Variants in SLC25A36 observed in about 807,000 individuals in gnomAD.
SLC25A36 encodes the protein epididymis secretory sperm binding protein.
SLC25A36 carries 24 observed loss-of-function variants against 35.3 expected under a neutral mutation model. The ratio of observed to expected loss-of-function variants is 0.68; its 90% CI spans 0.49 to 0.96. The LOEUF (loss-of-function observed/expected upper bound fraction) is 0.96, where lower values mean the gene tolerates loss of function less well. Ranked by LOEUF, SLC25A36 falls within the 40% of genes least tolerant of loss-of-function variation. The pLI is 0.00. For missense variants in SLC25A36, 294 were observed against 381.1 expected, an observed-to-expected ratio of 0.77 and a Z score of 1.90; for synonymous variants, 141 against 132.2, an observed-to-expected ratio of 1.07 and a Z score of -0.46.
chr3:140,944,716 T>C (rs923384217), intron 1 of SLC25A36, among the ~76,000 whole-genome samples: 18 of 152,198 alleles, frequency 1.2e-4, no homozygotes, highest in African/African-American at 4.3e-4. Context: ...GCAGCTCTTA[T>C]GACAGATAAT....
rs1935132171 is a variant in SLC25A36, at chr3:140,979,374, A to G, written c.*2921A>G. 1 of 152,120 alleles carries G rather than the reference A, an allele frequency of 6.6e-6. No homozygotes were observed. The allele number at this position is 152,120 out of a possible 1,614,324, so 9.4% of individuals were successfully genotyped here. A position where few individuals can be genotyped will look rare whatever the true frequency, so the allele number is the denominator to read the frequency against. On this transcript the variant is annotated 3_prime_UTR_variant, in exon 7 of 7. Coordinates refer to ENST00000324194, the MANE Select transcript of SLC25A36 (RefSeq NM_001104647.3). The stretch of plus-strand genomic sequence containing the variant: ...GGATTTAAGTGCTAAAAATCAATCC[A>G]TTTCTTGCCCTTCAATAATTGTCCA...
intron 1 of SLC25A36, among the ~76,000 whole-genome samples, chr3:140,946,972 C>T (rs1054344741): frequency 2.0e-5 from 3 of 152,120 alleles, no homozygotes; most frequent in African/African-American, 7.2e-5. Context: ...CCACGAGCTA[C>T]CTACCCTCTG....
At chr3:140,963,537 A>T (rs546509637) in intron 4 of SLC25A36, 2 of 178,914 alleles carry the variant, frequency 1.1e-5, no homozygotes, top group African/African-American at 4.7e-5. Flanking sequence ...TAAATAAGTT[A>T]TGGAGCTGTA....
chr3:140,972,690 G>A (rs1381708951), intron 5 of SLC25A36: 3 of 151,974 alleles, frequency 2.0e-5, no homozygotes, highest in African/African-American at 7.2e-5. Flanking sequence ...TTCAGGATTT[G>A]TATCTCTTTT....
chr3:140,943,417 A>G (rs563356690), intron 1 of SLC25A36, among the ~76,000 whole-genome samples: 3 of 152,208 alleles, frequency 2.0e-5, no homozygotes, highest in Admixed American at 6.5e-5. Flanking sequence ...CATAAAAACA[A>G]TATTTTTCTA....
chr3:140,947,324 CT>C (rs891178993), intron 1 of SLC25A36, among the ~76,000 whole-genome samples: 2 of 152,118 alleles, frequency 1.3e-5, no homozygotes, highest in Non-Finnish European at 2.9e-5. Context: ...GGGAAATTTA[CT>C]TTTACTAAAC....
At chr3:140,960,107 A>T (rs1159190212) in intron 3 of SLC25A36, among the ~76,000 whole-genome samples, 1 of 152,146 alleles carries the variant, frequency 6.6e-6, no homozygotes, top group Non-Finnish European at 1.5e-5. Flanking sequence ...ATAAATGGAA[A>T]TACTCTCGTA....
Position 140,980,063 on chromosome 3 carries a change from C to G in SLC25A36, c.*3610C>G, listed in dbSNP as rs1935148836. Reference sequence around the variant, plus strand: ...GGTTAAGTTTTAGGCTCGCTTGATTCAGTCAGCAAACCTTATCTTGAGCAC... The same window carrying G: ...GGTTAAGTTTTAGGCTCGCTTGATTGAGTCAGCAAACCTTATCTTGAGCAC... On this transcript the variant is annotated 3_prime_UTR_variant, in exon 7 of 7. Transcript: ENST00000324194. The G allele has an allele frequency of 6.6e-6, 1 of 152,092 alleles. No homozygotes were observed. The highest frequency in any genetic ancestry group is 6.6e-5 in the Admixed American group (1 of 15,254). 9.4% of individuals were successfully genotyped at this position (152,092 alleles called of 1,614,324 possible).
At chr3:140,948,848 G>T (rs563635796) in intron 1 of SLC25A36, among the ~76,000 whole-genome samples, 1 of 152,304 alleles carries the variant, frequency 6.6e-6, no homozygotes, top group South Asian at 2.1e-4. Context: ...AGTCAATGGG[G>T]TTTTATGTCT....
At chr3:140,959,431 A>G in intron 2 of SLC25A36, 32 bp from the exon 3 acceptor site, 3 of 1,214,984 alleles carry the variant, frequency 2.5e-6, no homozygotes, top group East Asian at 2.8e-5. Flanking sequence ...TTTGAAAGAT[A>G]TTTCTGATAG....
In SLC25A36 at chr3:140,980,247, AT is replaced by A. The variant is rs71627891; in HGVS notation, c.*3796del. Among the ~76,000 whole-genome samples, 21,490 of 152,240 alleles carry A rather than the reference AT, an allele frequency of 0.14. 2,577 individuals carry two copies. Among genetic ancestry groups the A allele is most frequent in the African/African-American group, 0.33 (13,711 of 41,486 alleles). On this transcript the variant is annotated 3_prime_UTR_variant, in exon 7 of 7. Transcript: ENST00000324194. ...AATTTCAGCCTTTGTGAAAGTTGAT[AT>A]TAAAAATACAGAGGTGAGAACTTGT... is the stretch of plus-strand genomic sequence containing the variant.
intron 1 of SLC25A36, among the ~76,000 whole-genome samples, chr3:140,948,037 T>C (rs1371402954): frequency 6.6e-6 from 1 of 152,162 alleles, no homozygotes; most frequent in Non-Finnish European, 1.5e-5. Flanking sequence ...CACTGCAACC[T>C]CCACCTCCTA....
At chr3:140,970,209 G>A (rs1289243891) in intron 4 of SLC25A36, among the ~76,000 whole-genome samples, 1 of 151,904 alleles carries the variant, frequency 6.6e-6, no homozygotes, top group East Asian at 1.9e-4. Flanking sequence ...TAGTTTTAAA[G>A]TAAACTAGAG....
At chr3:140,966,516 TG>T (rs1419939769) in intron 4 of SLC25A36, 1 of 174,258 alleles carries the variant, frequency 5.7e-6, no homozygotes, top group East Asian at 1.6e-4. Context: ...AATATTCTGT[TG>T]GTTTTTTTTT....
Position 140,980,694 on chromosome 3 carries a change from G to GCCCCCC in SLC25A36, c.*4247_*4252dup, listed in dbSNP as rs3215276. ...CAAAATGTAATTAAATGTTCCCCCT[G>GCCCCCC]CCCCCCCCCCCTTTTAATATATATA... is the stretch of plus-strand genomic sequence containing the variant. On this transcript the variant is annotated 3_prime_UTR_variant, in exon 7 of 7. Transcript: ENST00000324194. 1.1e-5 allele frequency among the ~76,000 whole-genome samples: 1 copy of GCCCCCC among 93,646 alleles called. No individual in the cohort carries two copies. Among genetic ancestry groups the GCCCCCC allele is most frequent in the African/African-American group, 4.0e-5 (1 of 24,692 alleles). 61.4% of individuals were successfully genotyped at this position (93,646 alleles called of 152,430 possible). A position where few individuals can be genotyped will look rare whatever the true frequency, so the allele number is the denominator to read the frequency against.
chr3:140,968,168 A>T, intron 4 of SLC25A36: 1 of 926,994 alleles, frequency 1.1e-6, no homozygotes, highest in Non-Finnish European at 1.3e-6. Context: ...GATTATATTT[A>T]TTAGATGTAA....
At chr3:140,956,937 A>G (rs1934495832) in intron 2 of SLC25A36, 1 of 512,532 alleles carries the variant, frequency 2.0e-6, no homozygotes, top group Non-Finnish European at 2.8e-6. Flanking sequence ...TATCCAGTGG[A>G]GTTTTTTCTA....
rs1217383003 is a variant in SLC25A36, at chr3:140,980,000, T to C, written c.*3547T>C. 6.6e-6 allele frequency: 1 copy of C among 152,196 alleles called. No homozygotes were observed. The highest frequency in any genetic ancestry group is 1.5e-5 in the Non-Finnish European group (1 of 68,032). 9.4% of individuals were successfully genotyped at this position (152,196 alleles called of 1,614,324 possible). ...AGAACATAATCACACTTTTTTGGATTATCCTATGTGTGGAACAAAAATCCA... is the reference window on the plus strand; with the variant it reads ...AGAACATAATCACACTTTTTTGGATCATCCTATGTGTGGAACAAAAATCCA... On this transcript the variant is annotated 3_prime_UTR_variant, in exon 7 of 7. Coordinates refer to ENST00000324194, the MANE Select transcript of SLC25A36 (RefSeq NM_001104647.3).
chr3:140,974,188 A>AAT (rs1934978918), intron 6 of SLC25A36, among the ~76,000 whole-genome samples, 183 bp downstream of exon 6: 2 of 152,142 alleles, frequency 1.3e-5, no homozygotes, highest in African/African-American at 2.4e-5. Flanking sequence ...TATGCTATCA[A>AAT]ATAGCATGGT....
Sources: gnomAD v4.1 joint callset for allele counts (sites outside exome capture counted in the v4.1 genomes callset) on GRCh38, gnomAD v4.1.1 for gene constraint, MANE v1.5 for transcripts, NCBI Gene and HGNC (gene_info 2026-07-23, HGNC 2026-07-21) for gene names.